IFT80: variants seen among roughly 807,000 people sequenced by gnomAD.
The protein encoded by IFT80 is intraflagellar transport protein 80 homolog.
In IFT80, 79 loss-of-function variants were observed where a neutral mutation model predicts 107.9. The ratio of observed to expected loss-of-function variants is 0.73; its 90% CI spans 0.61 to 0.88. The LOEUF is 0.88. IFT80 is among the 40% of genes least tolerant of loss of function. The pLI, the probability that IFT80 is intolerant of heterozygous loss-of-function variation, is 0.00. For missense variants in IFT80, 797 were observed against 914.2 expected (o/e 0.87, Z 1.65); for synonymous variants, 299 against 300.9 (o/e 0.99, Z 0.07).
At chr3:160,264,726 C>T (rs1713156143) in intron 19 of IFT80, among the ~76,000 whole-genome samples, 1 of 152,036 alleles carries the variant, frequency 6.6e-6, no homozygotes, top group Non-Finnish European at 1.5e-5. Flanking sequence ...GGGTGTGAGC[C>T]ACCGCACCTT....
In IFT80 at chr3:160,277,410, T is replaced by C. The variant is rs1329958046; in HGVS notation, c.1995A>G (p.Ile665Met). Residue 665 changes from isoleucine (I) to methionine (M), a missense_variant, in exon 18 of 20, where the codon ATA becomes ATG. Transcript: ENST00000326448. ...LPSKESKMAH[I>M]LLFSGNIQEA... Reference sequence around the variant, plus strand: ...CCTGTATGTTCCCACTAAACAGTAGTATGTGGGCCATTTTTGATTCTTTAG... The same window carrying C: ...CCTGTATGTTCCCACTAAACAGTAGCATGTGGGCCATTTTTGATTCTTTAG... 1 of 1,612,716 alleles carries C rather than the reference T, an allele frequency of 6.2e-7. No homozygotes were observed. Among genetic ancestry groups the C allele is most frequent in the East Asian group, 2.2e-5 (1 of 44,834 alleles).
At chr3:160,261,328 T>C (rs1264446878) in intron 19 of IFT80, among the ~76,000 whole-genome samples, 1 of 151,948 alleles carries the variant, frequency 6.6e-6, no homozygotes, top group Non-Finnish European at 1.5e-5. Flanking sequence ...GTGCTTAGTA[T>C]ATATCAAGGA....
intron 1 of IFT80, among the ~76,000 whole-genome samples, chr3:160,388,654 T>G (rs73875260): frequency 0.021 from 3,085 of 150,128 alleles, 63 homozygotes; most frequent in African/African-American, 0.054. Flanking sequence ...TAAATATATA[T>G]AGAGAGAAAA....
intron 9 of IFT80, among the ~76,000 whole-genome samples, chr3:160,318,681 C>T (rs1189626193): frequency 6.6e-6 from 1 of 152,004 alleles, no homozygotes; most frequent in Non-Finnish European, 1.5e-5. Flanking sequence ...TATTAATCTA[C>T]AAAATATTTC....
chr3:160,357,791 T>C (rs1721201729), intron 6 of IFT80, among the ~76,000 whole-genome samples: 1 of 152,286 alleles, frequency 6.6e-6, no homozygotes, highest in South Asian at 2.1e-4. Flanking sequence ...ACATCCACTA[T>C]ATAGCCTCAA....
At chr3:160,397,521 ACAAT>A (rs1462319118) in intron 1 of IFT80, among the ~76,000 whole-genome samples, 1 of 152,216 alleles carries the variant, frequency 6.6e-6, no homozygotes, top group African/African-American at 2.4e-5. Flanking sequence ...TGCTAGATGA[ACAAT>A]CATAAACAGT....
chr3:160,341,236 T>G (rs1480406300), intron 8 of IFT80, among the ~76,000 whole-genome samples: 1 of 152,098 alleles, frequency 6.6e-6, no homozygotes, highest in Non-Finnish European at 1.5e-5. Flanking sequence ...GGTCTTGAAC[T>G]CTTGGACTCA....
intron 18 of IFT80, among the ~76,000 whole-genome samples, chr3:160,276,926 G>T (rs1714312075): frequency 1.3e-5 from 2 of 152,082 alleles, no homozygotes; most frequent in African/African-American, 2.4e-5. Flanking sequence ...CTCTAGTTCA[G>T]ATATTTCTTA....
At chr3:160,313,608 ATT>A (rs201247167) in intron 9 of IFT80, among the ~76,000 whole-genome samples, 41 of 139,620 alleles carry the variant, frequency 2.9e-4, no homozygotes, top group Non-Finnish European at 2.7e-4. Flanking sequence ...TCTGTGCTGA[ATT>A]TTTTTTTTTT....
chr3:160,398,429 A>G (rs1049625699), intron 1 of IFT80, among the ~76,000 whole-genome samples: 3 of 152,254 alleles, frequency 2.0e-5, no homozygotes, highest in Admixed American at 1.3e-4. Context: ...GTAGTTCTCA[A>G]TGTCAAGTAC....
intron 14 of IFT80, among the ~76,000 whole-genome samples, chr3:160,281,275 A>G (rs1714668230): frequency 6.6e-6 from 1 of 152,156 alleles, no homozygotes; most frequent in African/African-American, 2.4e-5. Context: ...CAACCCACGG[A>G]GCCACCCTGC....
Position 160,265,946 on chromosome 3 carries a change from C to T in IFT80, c.2223+2467G>A, listed in dbSNP as rs1713282355. 3.3e-5 allele frequency among the ~76,000 whole-genome samples: 5 copies of T among 151,780 alleles called. 1 individual carries two copies. The South Asian group carries it at 1.0e-3, about 32-fold the overall frequency. ...ACTAGATTATAGACTTAAATGAAAC[C>T]AAAAGGTCAGCAAGTAATGCAGATA... On this transcript the variant is annotated intron_variant, in intron 19 of 19. Transcript: ENST00000326448.
intron 5 of IFT80, 43 bp downstream of exon 5, chr3:160,375,769 T>C (rs769694728): frequency 1.7e-5 from 23 of 1,317,904 alleles, no homozygotes; most frequent in East Asian, 2.3e-5. Flanking sequence ...CATTTTTGTA[T>C]TGTATAATTT....
chr3:160,313,355 G>A (rs1717556886), intron 9 of IFT80, among the ~76,000 whole-genome samples: 1 of 151,250 alleles, frequency 6.6e-6, no homozygotes, highest in African/African-American at 2.4e-5. Flanking sequence ...ACAGGTTTAA[G>A]AAAATTCAAC....
intron 6 of IFT80, among the ~76,000 whole-genome samples, chr3:160,365,596 G>C (rs982691549): frequency 2.0e-5 from 3 of 152,026 alleles, no homozygotes; most frequent in African/African-American, 7.2e-5. Flanking sequence ...TGTATGCCCG[G>C]AATTGTCCTT....
chr3:160,367,697 A>G (rs914952158), intron 5 of IFT80, among the ~76,000 whole-genome samples: 2 of 152,096 alleles, frequency 1.3e-5, no homozygotes, highest in African/African-American at 4.8e-5. Flanking sequence ...ATTACACTTG[A>G]TAGTGTTTTC....
chr3:160,357,509 C>T lies in IFT80; in HGVS notation c.619G>A (p.Gly207Ser), dbSNP rs756838676. ...TATACCTTATATTTACAGTCTTCAC[C>T]AGCAGATAAAATAAGATCATTGACC... The part of the protein sequence containing the change: ...NSVNDLILSA[G>S]EDCKYKVWDS... The change falls in exon 7 of 20, where the codon GGT (glycine) becomes AGT (serine). Residue 207 changes from glycine (G) to serine (S), a missense_variant. Gly to Ser is a moderately conservative substitution (Grantham distance 56). Coordinates refer to ENST00000326448, the MANE Select transcript of IFT80 (RefSeq NM_020800.3). 19 of 1,569,590 alleles carry T rather than the reference C, an allele frequency of 1.2e-5. No individual in the cohort carries two copies. The South Asian group carries it at 2.0e-4, about 17-fold the overall frequency.
intron 18 of IFT80, among the ~76,000 whole-genome samples, chr3:160,270,576 T>A (rs1428429897): frequency 2.0e-5 from 3 of 152,016 alleles, no homozygotes; most frequent in Non-Finnish European, 4.4e-5. Flanking sequence ...TCTGTGACCT[T>A]ACGTCTTTCA....
At chr3:160,358,954 T>G (rs1721297269) in intron 6 of IFT80, among the ~76,000 whole-genome samples, 1 of 152,184 alleles carries the variant, frequency 6.6e-6, no homozygotes, top group South Asian at 2.1e-4. Flanking sequence ...TACATTTTTA[T>G]TCAACGAATA....
Sources: allele counts gnomAD v4.1 joint callset (sites outside exome capture counted in the v4.1 genomes callset), GRCh38; gene constraint gnomAD v4.1.1; transcripts MANE v1.5; gene names NCBI Gene and HGNC (gene_info 2026-07-23, HGNC 2026-07-21).